The following GALNT13 variants were observed in gnomAD, a reference collection of about 807,000 sequenced individuals.
The protein encoded by GALNT13 is UDP-GalNAc:polypeptide N-acetylgalactosaminyltransferase 13.
GALNT13 carries 28 observed loss-of-function variants against 64.2 expected under a neutral mutation model. The observed-to-expected ratio is 0.44, with a 90% CI of 0.32 to 0.60. The LOEUF (loss-of-function observed/expected upper bound fraction) is 0.60, where lower values mean the gene tolerates loss of function less well. GALNT13 is among the 20% of genes least tolerant of loss of function. The pLI, the probability that GALNT13 is intolerant of heterozygous loss-of-function variation, is 0.05. For missense variants in GALNT13, 577 were observed against 669.8 expected, an observed-to-expected ratio of 0.86 and a Z score of 1.53; for synonymous variants, 214 against 224.6, an observed-to-expected ratio of 0.95 and a Z score of 0.42.
At chr2:153,822,564 G>T in the GALNT13 span, among the ~76,000 whole-genome samples, 1 of 151,968 alleles carries the variant, frequency 6.6e-6, no homozygotes, top group Admixed American at 6.6e-5. Context: ...AACAAACTAG[G>T]CATTAAAGGA....
chr2:153,531,706 T>C, the GALNT13 span, among the ~76,000 whole-genome samples: 1 of 152,080 alleles, frequency 6.6e-6, no homozygotes. Context: ...AAAATAATAA[T>C]AATAATAACT....
chr2:153,150,375 C>T, the GALNT13 span, among the ~76,000 whole-genome samples: 1 of 151,780 alleles, frequency 6.6e-6, no homozygotes, highest in East Asian at 1.9e-4. Context: ...GGGTATTAGC[C>T]CTTTGTCAGT....
chr2:154,242,770 A>G lies in GALNT13; in HGVS notation c.551A>G (p.Glu184Gly), dbSNP rs1274061533. Reference sequence around the variant, plus strand: ...CCAGTAAAAATTATTAGGATGGAAGAACGCTCTGGGTTAATACGTGCCCGT... The same window carrying G: ...CCAGTAAAAATTATTAGGATGGAAGGACGCTCTGGGTTAATACGTGCCCGT... ...EVPVKIIRME[E>G]RSGLIRARLR... The change falls in exon 6 of 13, where the codon GAA becomes GGA. Residue 184 changes from glutamate to glycine, a missense_variant. Around this residue, in one of 3 missense-constraint regions of GALNT13, gnomAD observed 341 missense variants for 379.3 expected, o/e 0.90. Transcript: ENST00000392825. The G allele has an allele frequency of 6.2e-7, 1 of 1,614,094 alleles. No homozygotes were observed. Among genetic ancestry groups the G allele is most frequent in the South Asian group, 1.1e-5 (1 of 91,092 alleles).
At chr2:153,173,971 A>C in the GALNT13 span, among the ~76,000 whole-genome samples, 116 of 152,356 alleles carry the variant, frequency 7.6e-4, no homozygotes, top group African/African-American at 2.7e-3. Flanking sequence ...GAAAGAAAAA[A>C]GGGTCATGGG....
Position 154,259,082 on chromosome 2 carries a change from A to T in GALNT13, c.919A>T (p.Thr307Ser), listed in dbSNP as rs1690546785. 3.1e-6 allele frequency: 5 copies of T among 1,610,206 alleles called. No homozygotes were observed. The highest frequency in any genetic ancestry group is 4.2e-6 in the Non-Finnish European group (5 of 1,177,792). Reference sequence around the variant, plus strand: ...CAGAAACTACTTTGAAGAGATAGGAACTTACGATGCAGGAATGGATATCTG... The same window carrying T: ...CAGAAACTACTTTGAAGAGATAGGATCTTACGATGCAGGAATGGATATCTG... Reference protein sequence around the residue: ...IDRNYFEEIGTYDAGMDIWGG... With the variant: ...IDRNYFEEIGSYDAGMDIWGG... Residue 307 changes from threonine to serine, a missense_variant, in exon 8 of 13, where the codon ACT becomes TCT. By Grantham distance (58) the Thr-to-Ser change is moderately conservative. Coordinates refer to ENST00000392825, the MANE Select transcript of GALNT13 (RefSeq NM_052917.4).
intron 4 of GALNT13, among the ~76,000 whole-genome samples, chr2:154,224,558 T>G (rs2105829448): frequency 6.6e-6 from 1 of 152,152 alleles, no homozygotes; most frequent in South Asian, 2.1e-4. Flanking sequence ...ATAATTAAAA[T>G]AATGCCATAG....
At chr2:153,155,622 T>C in the GALNT13 span, among the ~76,000 whole-genome samples, 152 of 152,292 alleles carry the variant, frequency 1.0e-3, no homozygotes, top group Non-Finnish European at 1.9e-3. Context: ...TTTTATTCAT[T>C]AGTCTAGCAA....
chr2:154,346,379 A>G (rs1192852868), intron 9 of GALNT13, among the ~76,000 whole-genome samples: 2 of 152,052 alleles, frequency 1.3e-5, no homozygotes, highest in Non-Finnish European at 2.9e-5. Context: ...ATCCTGATAC[A>G]GTTTGGCTGT....
At chr2:153,771,261 C>G in the GALNT13 span, among the ~76,000 whole-genome samples, 1 of 152,094 alleles carries the variant, frequency 6.6e-6, no homozygotes, top group Admixed American at 6.5e-5. Flanking sequence ...AGGGAAGGAG[C>G]AGAGAAACTG....
At chr2:154,384,654 G>C (rs1003931080) in intron 9 of GALNT13, among the ~76,000 whole-genome samples, 3 of 151,804 alleles carry the variant, frequency 2.0e-5, no homozygotes, top group African/African-American at 7.2e-5. Flanking sequence ...AATTGATCAA[G>C]CAGCTTTATA....
At chr2:153,154,177 A>C in the GALNT13 span, among the ~76,000 whole-genome samples, 2 of 152,076 alleles carry the variant, frequency 1.3e-5, no homozygotes, top group Non-Finnish European at 2.9e-5. Context: ...CATAATTCCC[A>C]TGGACCTGGT....
the GALNT13 span, among the ~76,000 whole-genome samples, chr2:153,671,771 G>A: frequency 6.6e-6 from 1 of 152,130 alleles, no homozygotes; most frequent in African/African-American, 2.4e-5. Context: ...TGGATAAAGA[G>A]TCAAGACCCG....
At chr2:153,292,127 TTA>T in the GALNT13 span, among the ~76,000 whole-genome samples, 2 of 152,230 alleles carry the variant, frequency 1.3e-5, no homozygotes. Context: ...CATTAGTAAT[TTA>T]TATGTCGCTC....
In GALNT13 at chr2:154,289,227, G is replaced by C. The variant is rs1227668594; in HGVS notation, c.976-12182G>C. Among the ~76,000 whole-genome samples the C allele has an allele frequency of 3.3e-5, 5 of 152,174 alleles. 1 individual carries two copies. The East Asian group carries it at 9.6e-4, about 29-fold the overall frequency. On this transcript the variant is annotated intron_variant, in intron 8 of 12. Transcript: ENST00000392825. ...CCCTTTTAGCCATGGCTGGGATGCA[G>C]AGCACCAAGTCCCAAGACTGCATAA...
intron 11 of GALNT13, among the ~76,000 whole-genome samples, chr2:154,428,812 C>T (rs1289622117): frequency 2.0e-5 from 3 of 149,388 alleles, no homozygotes; most frequent in African/African-American, 2.5e-5. Flanking sequence ...GATGGAGTCT[C>T]GCTCTGTCGC....
At chr2:154,303,879 T>A (rs1574055543) in intron 9 of GALNT13, among the ~76,000 whole-genome samples, 1 of 151,882 alleles carries the variant, frequency 6.6e-6, no homozygotes, top group Non-Finnish European at 1.5e-5. Flanking sequence ...TGCCTCAGCC[T>A]CTCCAGTAGC....
In GALNT13 at chr2:154,128,586, A is replaced by G. The variant is rs1341295494; in HGVS notation, c.143-11751A>G. Among the ~76,000 whole-genome samples, 3 of 152,134 alleles carry G rather than the reference A, an allele frequency of 2.0e-5. No homozygotes were observed. In the East Asian group the frequency reaches 5.8e-4, roughly 29 times the overall value. On this transcript the variant is annotated intron_variant, in intron 3 of 12. Coordinates refer to ENST00000392825, the MANE Select transcript of GALNT13 (RefSeq NM_052917.4). Reference sequence around the variant, plus strand: ...ATACAAAGATCAGCAGCTGGTTTATACAGATGGTCAATAAAATGTTGGAAT... The same window carrying G: ...ATACAAAGATCAGCAGCTGGTTTATGCAGATGGTCAATAAAATGTTGGAAT...
the GALNT13 span, among the ~76,000 whole-genome samples, chr2:153,397,578 T>C: frequency 6.6e-6 from 1 of 151,882 alleles, no homozygotes; most frequent in Admixed American, 6.6e-5. Flanking sequence ...CAGTCTTGCA[T>C]CCGTATTTGG....
the GALNT13 span, among the ~76,000 whole-genome samples, chr2:153,331,688 G>A: frequency 1.3e-5 from 2 of 151,936 alleles, no homozygotes; most frequent in Admixed American, 1.3e-4. Context: ...ACCAGATTAA[G>A]GGTGGATCTG....
Sources: gnomAD v4.1 joint callset for allele counts (sites outside exome capture counted in the v4.1 genomes callset) on GRCh38, gnomAD v4.1.1 for gene constraint, gnomAD v4.1.1 regional missense constraint, MANE v1.5 for transcripts, NCBI Gene and HGNC (gene_info 2026-07-23, HGNC 2026-07-21) for gene names.